Variants in DIP2C observed in about 807,000 individuals in gnomAD.
DIP2C encodes DIP2 acetate--CoA ligase C (putative).
Under a neutral mutation model 192.4 loss-of-function variants are expected in DIP2C, and 33 were observed. That is an observed-to-expected ratio of 0.17 (90% CI 0.13 to 0.23). The LOEUF is 0.23. Ranked by LOEUF, DIP2C falls within the 10% of genes least tolerant of loss-of-function variation. The probability of loss-of-function intolerance (pLI) is 1.00; values close to 1 mark genes in which losing one functional copy is unlikely to be tolerated. For missense variants in DIP2C, 1,537 were observed against 2,110.1 expected (o/e 0.73, Z 5.32); for synonymous variants, 979 against 864.1 (o/e 1.13, Z -2.33).
rs138254539 is a variant in DIP2C, at chr10:519,986, G to C, written c.86-33456C>G. Among the ~76,000 whole-genome samples, 170 of 152,336 alleles carry C rather than the reference G, an allele frequency of 1.1e-3. No individual in the cohort carries two copies. The East Asian group carries it at 0.021, about 19-fold the overall frequency. On this transcript the variant is annotated intron_variant, in intron 1 of 36. Transcript: ENST00000280886. ...GTCTTGGAGCACACCATGGCGGGCAGGAAGCTCCACTCGGAGTAACAGCGA... is the reference window on the plus strand; with the variant it reads ...GTCTTGGAGCACACCATGGCGGGCACGAAGCTCCACTCGGAGTAACAGCGA...
chr10:424,382 T>TTTTTTTTTTTG (rs1388302720), intron 4 of DIP2C, among the ~76,000 whole-genome samples: 3 of 101,408 alleles, frequency 3.0e-5, no homozygotes, highest in Admixed American at 1.1e-4. Context: ...TTTTTTTTTT[T>TTTTTTTTTTTG]TGAGACAGAG....
Position 467,989 on chromosome 10 carries a change from G to C in DIP2C, c.268+4450C>G, listed in dbSNP as rs367651521. ...ATAAATTAAAAAATTCAGTCCCTGG[G>C]GCAACCACAGTAGCTCTACTGCAAG... On this transcript the variant is annotated intron_variant, in intron 3 of 36. Coordinates refer to ENST00000280886, the MANE Select transcript of DIP2C (RefSeq NM_014974.3). 9.9e-5 allele frequency among the ~76,000 whole-genome samples: 15 copies of C among 152,070 alleles called. No individual in the cohort carries two copies. In the East Asian group the frequency reaches 2.9e-3, roughly 29 times the overall value.
intron 1 of DIP2C, among the ~76,000 whole-genome samples, chr10:497,610 T>C (rs958527849): frequency 6.6e-6 from 1 of 152,198 alleles, no homozygotes; most frequent in Non-Finnish European, 1.5e-5. Context: ...GTAGTGAGGA[T>C]CAGTCCTGCC....
intron 7 of DIP2C, among the ~76,000 whole-genome samples, chr10:415,003 C>T (rs1331850633): frequency 6.7e-6 from 1 of 149,980 alleles, no homozygotes; most frequent in African/African-American, 2.5e-5. Context: ...TGACCTCCAA[C>T]AGTGCTGGAA....
At chr10:675,583 AAG>A (rs1830846635) in intron 1 of DIP2C, among the ~76,000 whole-genome samples, 1 of 152,150 alleles carries the variant, frequency 6.6e-6, no homozygotes, top group South Asian at 2.1e-4. Context: ...GAAACAGAAA[AAG>A]AGAATTACAA....
intron 1 of DIP2C, chr10:669,069 ACGG>A (rs1857289252): frequency 6.6e-6 from 1 of 152,180 alleles, no homozygotes; most frequent in South Asian, 2.1e-4. Context: ...CGGTACAGAC[ACGG>A]CAAACTGAGG....
chr10:603,239 C>T (rs983055669), intron 1 of DIP2C, among the ~76,000 whole-genome samples: 1 of 123,982 alleles, frequency 8.1e-6, no homozygotes, highest in African/African-American at 3.0e-5. Context: ...GCGGGGGTTG[C>T]AGTGAGCCGA....
chr10:525,661 G>A (rs952186238), intron 1 of DIP2C, among the ~76,000 whole-genome samples: 5 of 152,150 alleles, frequency 3.3e-5, no homozygotes, highest in African/African-American at 9.7e-5. Context: ...GAGAGAACAG[G>A]GTAGGATAAC....
At chr10:326,078 G>C (rs1274198908) in intron 31 of DIP2C, among the ~76,000 whole-genome samples, 1 of 152,128 alleles carries the variant, frequency 6.6e-6, no homozygotes, top group African/African-American at 2.4e-5. Flanking sequence ...CCACGTGGGA[G>C]GCTGAGGTGG....
intron 1 of DIP2C, among the ~76,000 whole-genome samples, chr10:568,385 C>T (rs1434835840): frequency 6.6e-6 from 1 of 152,048 alleles, no homozygotes; most frequent in African/African-American, 2.4e-5. Flanking sequence ...GTTTCATAGA[C>T]CCAAATGAGA....
intron 1 of DIP2C, among the ~76,000 whole-genome samples, chr10:583,978 G>A (rs1850820307): frequency 6.6e-6 from 1 of 152,166 alleles, no homozygotes; most frequent in Non-Finnish European, 1.5e-5. Context: ...GAGGCGCGGG[G>A]GCCAGGGTGC....
chr10:384,664 G>A (rs1294136121), intron 14 of DIP2C, 25 bp from the exon 15 acceptor site: 2 of 1,611,722 alleles, frequency 1.2e-6, no homozygotes, highest in African/African-American at 1.3e-5. Context: ...GGAACACGCA[G>A]GGTGAGCATG....
chr10:576,700 G>T (rs1367164178), intron 1 of DIP2C, among the ~76,000 whole-genome samples: 1 of 152,164 alleles, frequency 6.6e-6, no homozygotes, highest in Non-Finnish European at 1.5e-5. Context: ...TTGAGATCAG[G>T]AGTTGGAGAC....
chr10:578,865 T>G (rs1188570319), intron 1 of DIP2C, among the ~76,000 whole-genome samples: 1 of 152,088 alleles, frequency 6.6e-6, no homozygotes, highest in African/African-American at 2.4e-5. Flanking sequence ...ATAGGTACAC[T>G]AACACACATG....
chr10:640,207 G>T (rs1173681693), intron 1 of DIP2C, among the ~76,000 whole-genome samples: 1 of 152,196 alleles, frequency 6.6e-6, no homozygotes, highest in East Asian at 1.9e-4. Context: ...ACGTCCCCAC[G>T]GCTGGCGGGG....
At chr10:597,650 G>T (rs1395380102) in intron 1 of DIP2C, among the ~76,000 whole-genome samples, 1 of 152,218 alleles carries the variant, frequency 6.6e-6, no homozygotes, top group East Asian at 1.9e-4. Context: ...TTTGTTTCAT[G>T]ATTTGCTCTT....
chr10:514,191 GA>G (rs1207913596), intron 1 of DIP2C, among the ~76,000 whole-genome samples: 1 of 150,508 alleles, frequency 6.6e-6, no homozygotes, highest in African/African-American at 2.5e-5. Context: ...TGCTAATACT[GA>G]AGAACCACCC....
intron 32 of DIP2C, among the ~76,000 whole-genome samples, chr10:302,552 G>A (rs113141264): frequency 1.3e-5 from 2 of 152,236 alleles, no homozygotes; most frequent in African/African-American, 4.8e-5. Flanking sequence ...TGTACTTAAC[G>A]ACAAGGCAAC....
chr10:517,591 G>T lies in DIP2C; in HGVS notation c.86-31061C>A, dbSNP rs556377047. ...ATTCCTCATGATACCCAGAATGTCAGAAGAAAAGAAGGCACCATATGGACG... is the reference window on the plus strand; with the variant it reads ...ATTCCTCATGATACCCAGAATGTCATAAGAAAAGAAGGCACCATATGGACG... On this transcript the variant is annotated intron_variant, in intron 1 of 36. Transcript: ENST00000280886. 3.9e-5 allele frequency among the ~76,000 whole-genome samples: 6 copies of T among 152,344 alleles called. 1 individual carries two copies. In the South Asian group the frequency reaches 1.0e-3, roughly 26 times the overall value.
Sources: allele counts gnomAD v4.1 joint callset (sites outside exome capture counted in the v4.1 genomes callset), GRCh38; gene constraint gnomAD v4.1.1; transcripts MANE v1.5; gene names NCBI Gene and HGNC (gene_info 2026-07-23, HGNC 2026-07-21).